ACTN1: variants seen among roughly 807,000 people sequenced by gnomAD.
ACTN1 encodes the protein alpha-actinin-1.
A neutral mutation model predicts 119.6 loss-of-function variants in ACTN1; 30 were observed. That is an observed-to-expected ratio of 0.25 (90% confidence interval 0.19 to 0.34). The LOEUF (loss-of-function observed/expected upper bound fraction) is 0.34. ACTN1 is among the 10% of genes least tolerant of loss of function. ACTN1 has a pLI of 1.00. For missense variants in ACTN1, 764 were observed against 1,223.4 expected, an observed-to-expected ratio of 0.62 and a Z score of 5.60; for synonymous variants, 429 against 472.6, an observed-to-expected ratio of 0.91 and a Z score of 1.20.
chr14:68,946,637 T>C (rs7152626), intron 1 of ACTN1, among the ~76,000 whole-genome samples: 4,775 of 152,054 alleles, frequency 0.031, 229 homozygotes, highest in African/African-American at 0.11. Context: ...TTCCCAGTGG[T>C]TCTAAGAAGC....
chr14:68,943,128 C>A (rs572065334), intron 1 of ACTN1, among the ~76,000 whole-genome samples: 1 of 152,304 alleles, frequency 6.6e-6, no homozygotes, highest in Admixed American at 6.5e-5. Context: ...GTCCACTAGG[C>A]CGGCGGTGGT....
Sources: gnomAD v4.1 joint callset for allele counts (sites outside exome capture counted in the v4.1 genomes callset) on GRCh38, gnomAD v4.1.1 for gene constraint, MANE v1.5 for transcripts, NCBI Gene and HGNC (gene_info 2026-07-23, HGNC 2026-07-21) for gene names.